ATXN2: variants seen among roughly 807,000 people sequenced by gnomAD.
ATXN2 encodes the protein ataxin-2.
ATXN2 carries 37 observed loss-of-function variants against 138.6 expected under a neutral mutation model. That is an observed-to-expected ratio of 0.27 (90% CI 0.21 to 0.35). The LOEUF (loss-of-function observed/expected upper bound fraction) is 0.35, where lower values mean the gene tolerates loss of function less well. Among genes scored for constraint, ATXN2 ranks in the 10% least tolerant of loss-of-function variants. The pLI is 1.00. For synonymous variants in ATXN2, 549 were observed against 543.7 expected, an observed-to-expected ratio of 1.01 and a Z score of -0.13; for missense variants, 1,216 against 1,480.3, an observed-to-expected ratio of 0.82 and a Z score of 2.93.
intron 5 of ATXN2, among the ~76,000 whole-genome samples, chr12:111,551,818 A>G (rs1258273162): frequency 6.6e-6 from 1 of 152,184 alleles, no homozygotes; most frequent in Non-Finnish European, 1.5e-5. Context: ...AAATGCATTA[A>G]CATTCTCATT....
rs754383875 is a variant in ATXN2 at position 111,460,686 on chromosome 12, CAAT to C, written c.2897-3330_2897-3328del. On this transcript the variant is annotated intron_variant, in intron 21 of 24. Coordinates refer to ENST00000673436, the MANE Select transcript of ATXN2 (RefSeq NM_001372574.1). ...AAGTATTAAGAATATTAAAAAGTAA[CAAT>C]AAATATAGAAAATAATTATGCCCAT... 1.7e-4 allele frequency among the ~76,000 whole-genome samples: 26 copies of C among 151,366 alleles called. No homozygotes were observed. The East Asian group carries it at 3.3e-3, about 19-fold the overall frequency.
chr12:111,460,980 C>T (rs958508006), intron 21 of ATXN2, among the ~76,000 whole-genome samples: 4 of 152,044 alleles, frequency 2.6e-5, no homozygotes, highest in African/African-American at 7.2e-5. Flanking sequence ...ACCTAAATAC[C>T]GGTAAACTTG....
At chr12:111,498,036 A>AC (rs1159641984) in intron 14 of ATXN2, among the ~76,000 whole-genome samples, 6 of 151,906 alleles carry the variant, frequency 3.9e-5, no homozygotes, top group Non-Finnish European at 8.8e-5. Flanking sequence ...AAACAAAAAA[A>AC]CCCCAAAGAA....
At chr12:111,569,769 C>A (rs1338011044) in intron 1 of ATXN2, among the ~76,000 whole-genome samples, 1 of 152,064 alleles carries the variant, frequency 6.6e-6, no homozygotes, top group Non-Finnish European at 1.5e-5. Flanking sequence ...CCCTTCAGTG[C>A]CTTTACCCCT....
At chr12:111,476,616 C>T (rs1179501959) in intron 18 of ATXN2, among the ~76,000 whole-genome samples, 1 of 152,086 alleles carries the variant, frequency 6.6e-6, no homozygotes, top group African/African-American at 2.4e-5. Context: ...AATAAACAAA[C>T]GTTGAAAGTT....
At chr12:111,507,128 G>A (rs564433339) in intron 14 of ATXN2, among the ~76,000 whole-genome samples, 3 of 145,770 alleles carry the variant, frequency 2.1e-5, no homozygotes, top group African/African-American at 5.1e-5. Context: ...GCCACCCATC[G>A]TCTGGGATGT....
intron 11 of ATXN2, chr12:111,512,859 T>C (rs1317332219): frequency 1.3e-5 from 2 of 152,672 alleles, no homozygotes; most frequent in Admixed American, 1.3e-4. Context: ...TATGGAAATA[T>C]AGTTGGGAAT....
Position 111,541,962 on chromosome 12 carries a change from T to A in ATXN2, c.571+10318A>T, listed in dbSNP as rs1016081290. 2.0e-5 allele frequency among the ~76,000 whole-genome samples: 3 copies of A among 148,882 alleles called. No individual in the cohort carries two copies. In the South Asian group the frequency reaches 6.4e-4, roughly 32 times the overall value. On this transcript the variant is annotated intron_variant, in intron 5 of 24. Transcript: ENST00000673436. ...TTTGTATTTTTAGTAGAGACAGGGTTTCACCATGTTGGCCAGGCTGGTCTC... is the reference window on the plus strand; with the variant it reads ...TTTGTATTTTTAGTAGAGACAGGGTATCACCATGTTGGCCAGGCTGGTCTC...
chr12:111,453,117 T>C lies in ATXN2; in HGVS notation c.3440-277A>G, dbSNP rs1874794327. 5 of 1,254,324 alleles carry C rather than the reference T, an allele frequency of 4.0e-6. No homozygotes were observed. Among genetic ancestry groups the C allele is most frequent in the East Asian group, 6.9e-5 (2 of 29,044 alleles). 77.7% of individuals were successfully genotyped at this position (1,254,324 alleles called of 1,614,324 possible). ...CCTTAACAAACCCCCTCCCCAAATA[T>C]TAGCCAAGCACCAGTATTGCTTTCA... On this transcript the variant is annotated intron_variant, in intron 24 of 24. Transcript: ENST00000673436. The surrounding 1 kb of genome is among the most constrained non-coding windows in gnomAD (Gnocchi z 5.4).
chr12:111,488,860 A>G (rs1877820640), intron 14 of ATXN2, 80 bp from the exon 15 acceptor site: 3 of 1,149,404 alleles, frequency 2.6e-6, no homozygotes, highest in East Asian at 2.6e-5. Flanking sequence ...AAGCTACGTA[A>G]TATTAACTAT....
chr12:111,561,504 GA>G (rs966313209), intron 1 of ATXN2, among the ~76,000 whole-genome samples: 4 of 150,642 alleles, frequency 2.7e-5, no homozygotes, highest in Non-Finnish European at 3.0e-5. Context: ...CCGTCTCAAA[GA>G]AAAAAAAATC....
At chr12:111,464,335 T>TTTTG (rs1555229779) in intron 21 of ATXN2, among the ~76,000 whole-genome samples, 1 of 105,784 alleles carries the variant, frequency 9.5e-6, no homozygotes, top group African/African-American at 4.4e-5. Flanking sequence ...GTGTGTGTGT[T>TTTTG]TGTGTGTGTG....
intron 20 of ATXN2, among the ~76,000 whole-genome samples, chr12:111,467,712 T>C (rs1311913303): frequency 6.6e-6 from 1 of 152,208 alleles, no homozygotes; most frequent in Non-Finnish European, 1.5e-5. Context: ...TTTGCAACAT[T>C]TCCTATTTGC....
chr12:111,494,890 A>G (rs1878311414), intron 14 of ATXN2, among the ~76,000 whole-genome samples: 1 of 152,224 alleles, frequency 6.6e-6, no homozygotes, highest in African/African-American at 2.4e-5. Context: ...AGGGAGTAGG[A>G]CTACAAAACA....
chr12:111,520,498 G>A (rs997353428), intron 7 of ATXN2, among the ~76,000 whole-genome samples: 2 of 151,922 alleles, frequency 1.3e-5, no homozygotes, highest in South Asian at 2.1e-4. Context: ...TAAAAATACA[G>A]AAATTAGATG....
chr12:111,512,384 A>C (rs916931593), intron 11 of ATXN2: 1 of 151,764 alleles, frequency 6.6e-6, no homozygotes, highest in Non-Finnish European at 1.5e-5. Context: ...AGCACTAAGG[A>C]CTGATTGGCA....
intron 18 of ATXN2, among the ~76,000 whole-genome samples, chr12:111,482,103 G>C (rs2135692403): frequency 6.6e-6 from 1 of 151,000 alleles, no homozygotes; most frequent in Admixed American, 6.6e-5. Context: ...TGTAATCCCA[G>C]CACTTTGGGA....
chr12:111,561,810 T>C (rs1408392359), intron 1 of ATXN2, among the ~76,000 whole-genome samples: 1 of 151,776 alleles, frequency 6.6e-6, no homozygotes, highest in Admixed American at 6.6e-5. Flanking sequence ...AGAGCAAGAC[T>C]CCGTCTTTCT....
chr12:111,507,818 A>G (rs1879257424), intron 14 of ATXN2, among the ~76,000 whole-genome samples: 1 of 152,242 alleles, frequency 6.6e-6, no homozygotes, highest in South Asian at 2.1e-4. Flanking sequence ...CTGTACTAAG[A>G]AAGATTCTTC....
Sources: gnomAD v4.1 joint callset for allele counts (sites outside exome capture counted in the v4.1 genomes callset) on GRCh38, gnomAD v4.1.1 for gene constraint, Gnocchi (gnomAD v3.1) non-coding constraint, MANE v1.5 for transcripts, NCBI Gene and HGNC (gene_info 2026-07-23, HGNC 2026-07-21) for gene names.